Variants in EFNB3 observed in about 807,000 individuals in gnomAD.
The protein encoded by EFNB3 is ephrin B3.
In EFNB3, 14 loss-of-function variants were observed where a neutral mutation model predicts 29.8. The ratio of observed to expected loss-of-function variants is 0.47; its 90% CI spans 0.31 to 0.73. The LOEUF is 0.73. Among genes scored for constraint, EFNB3 ranks in the 30% least tolerant of loss-of-function variants. EFNB3 has a pLI of 0.05. For missense variants in EFNB3, 408 were observed against 458.0 expected (o/e 0.89, Z 1.00); for synonymous variants, 216 against 191.6 (o/e 1.13, Z -1.05).
chr17:7,705,692 C>G lies in EFNB3; in HGVS notation c.94C>G (p.Pro32Ala), dbSNP rs1192880505. Residue 32 changes from proline to alanine, a missense_variant, in exon 1 of 5, where the codon CCT (proline) becomes GCT (alanine). Transcript: ENST00000226091. This position sits in a 1 kb window ranked among gnomAD's most constrained non-coding sequence, Gnocchi z 5.4. ...GCTGGTGTCTGGGCTCAGCCTGGAG[C>G]CTGTCTACTGGAACTCGGCGAATAA... is the stretch of plus-strand genomic sequence containing the variant. ...LGLVSGLSLE[P>A]VYWNSANKRF... 7 of 1,554,802 alleles carry G rather than the reference C, an allele frequency of 4.5e-6. No individual in the cohort carries two copies. The highest frequency in any genetic ancestry group is 3.5e-6 in the Non-Finnish European group (4 of 1,158,076).
chr17:7,709,468 C>T lies in EFNB3; in HGVS notation c.915C>T (p.Pro305=). The change falls in exon 5 of 5, where the codon CCC becomes CCT. Residue 305 remains proline, a synonymous_variant. Transcript: ENST00000226091. This position sits in a 1 kb window ranked among gnomAD's most constrained non-coding sequence, Gnocchi z 4.5. ...TGCGGGGTGGCGGGGCTGCAGATCC[C>T]CCCTTCTGCCCCCACTATGAGAAGG... ...IALRGGGAAD[P]PFCPHYEKVS... is the part of the protein sequence containing the mutation. 4 of 1,613,654 alleles carry T rather than the reference C, an allele frequency of 2.5e-6. No homozygotes were observed. The highest frequency in any genetic ancestry group is 3.4e-6 in the Non-Finnish European group (4 of 1,179,726).
chr17:7,706,215 A>C (rs2074327247), intron 1 of EFNB3, among the ~76,000 whole-genome samples: 1 of 149,722 alleles, frequency 6.7e-6, no homozygotes, highest in Admixed American at 6.7e-5. Flanking sequence ...AGGCTCCTTG[A>C]CTCTCTTCAC....
rs1189408007 is a variant in EFNB3, at chr17:7,705,306, C to G, written c.-293C>G. The G allele has an allele frequency of 4.4e-6, 1 of 224,862 alleles. No individual in the cohort carries two copies. Among genetic ancestry groups the G allele is most frequent in the Non-Finnish European group, 8.6e-6 (1 of 115,954 alleles). 13.9% of individuals were successfully genotyped at this position (224,862 alleles called of 1,614,324 possible). ...TCCGGCGCCCCATGCCGCCCCCGCC[C>G]GGTCCCCGGCTCCCCCAGTCCCCCA... is the stretch of plus-strand genomic sequence containing the variant. On this transcript the variant is annotated 5_prime_UTR_variant, in exon 1 of 5. Transcript: ENST00000226091. The surrounding 1 kb of genome is among the most constrained non-coding windows in gnomAD (Gnocchi z 5.4).
chr17:7,709,170 AC>A lies in EFNB3; in HGVS notation c.621del (p.Thr208ProfsTer86). ...TCCTTCACCCCTTCCCTGCCAGGTG[AC>A]CCCACCAGCAATGCAACCTCCCGGG... ...LEPGKENLPG[D>X]PTSNATSRGA... is the part of the protein sequence containing the mutation. On this transcript the variant is annotated frameshift_variant, in exon 5 of 5. Coordinates refer to ENST00000226091, the MANE Select transcript of EFNB3 (RefSeq NM_001406.4). LOFTEE classifies it high-confidence loss of function. The surrounding 1 kb of genome is among the most constrained non-coding windows in gnomAD (Gnocchi z 4.5). The A allele has an allele frequency of 6.3e-7, 1 of 1,597,964 alleles. No homozygotes were observed.
chr17:7,708,036 T>C lies in EFNB3; in HGVS notation c.201T>C (p.Pro67=). 6.2e-7 allele frequency: 1 copy of C among 1,614,026 alleles called. No homozygotes were observed. The highest frequency in any genetic ancestry group is 8.5e-7 in the Non-Finnish European group (1 of 1,179,984). The part of the protein sequence containing the change: ...RLDLLCPRAR[P]PGPHSSPNYE... Reference sequence around the variant, plus strand: ...ACCTGCTCTGCCCCCGGGCCCGGCCTCCTGGCCCTCACTCCTCTCCTAATT... The same window carrying C: ...ACCTGCTCTGCCCCCGGGCCCGGCCCCCTGGCCCTCACTCCTCTCCTAATT... Residue 67 remains proline, a synonymous_variant, in exon 2 of 5, where the codon CCT becomes CCC. Coordinates refer to ENST00000226091, the MANE Select transcript of EFNB3 (RefSeq NM_001406.4). The surrounding 1 kb of genome is among the most constrained non-coding windows in gnomAD (Gnocchi z 6.8).
chr17:7,708,874 G>A lies in EFNB3; in HGVS notation c.613+135G>A, dbSNP rs772387901. The A allele has an allele frequency of 1.6e-4, 123 of 757,584 alleles. No homozygotes were observed. Among genetic ancestry groups the A allele is most frequent in the Non-Finnish European group, 2.5e-4 (116 of 469,582 alleles). The allele number at this position is 757,584 out of a possible 1,614,324, so 46.9% of individuals were successfully genotyped here. ...GGAAAGAGGAGAAGAGAGGATGGGA[G>A]GGTGGGAGGGGAATGGAAACCAAAT... On this transcript the variant is annotated intron_variant, in intron 4 of 4. Transcript: ENST00000226091. This position sits in a 1 kb window ranked among gnomAD's most constrained non-coding sequence, Gnocchi z 6.8.
Position 7,708,724 on chromosome 17 carries a change from AAGG to A in EFNB3, c.601_603del (p.Glu201del), listed in dbSNP as rs1208607170. ...GGCAGCCCACAGCCTGGAGCCTGGG[AAGG>A]AGAACCTGCCAGGTAGGAACCAGGG... is the stretch of plus-strand genomic sequence containing the variant. On this transcript the variant is annotated inframe_deletion, in exon 4 of 5. Coordinates refer to ENST00000226091, the MANE Select transcript of EFNB3 (RefSeq NM_001406.4). This position sits in a 1 kb window ranked among gnomAD's most constrained non-coding sequence, Gnocchi z 6.8. The A allele has an allele frequency of 6.4e-7, 1 of 1,565,930 alleles. No individual in the cohort carries two copies. Among genetic ancestry groups the A allele is most frequent in the Non-Finnish European group, 8.7e-7 (1 of 1,154,672 alleles).
In EFNB3 at chr17:7,708,290, T is replaced by C; in HGVS notation, c.415+40T>C. 6.3e-7 allele frequency: 1 copy of C among 1,599,444 alleles called. No homozygotes were observed. The highest frequency in any genetic ancestry group is 8.5e-7 in the Non-Finnish European group (1 of 1,173,390). ...AGGGCACGATTGAGTGGGGGGCTCC[T>C]GATACTGAGCAGAGAGGGAGGGGGA... On this transcript the variant is annotated intron_variant, in intron 2 of 4. Coordinates refer to ENST00000226091, the MANE Select transcript of EFNB3 (RefSeq NM_001406.4). This position sits in a 1 kb window ranked among gnomAD's most constrained non-coding sequence, Gnocchi z 6.8.
chr17:7,705,840 T>C lies in EFNB3; in HGVS notation c.122+120T>C. The C allele has an allele frequency of 3.3e-6, 4 of 1,212,272 alleles. No individual in the cohort carries two copies. The highest frequency in any genetic ancestry group is 4.5e-6 in the Non-Finnish European group (4 of 890,468). 75.1% of individuals were successfully genotyped at this position (1,212,272 alleles called of 1,614,324 possible). A position where few individuals can be genotyped will look rare whatever the true frequency, so the allele number is the denominator to read the frequency against. ...GGCGGGAGGGAAGGTGCTGGTGCTCTGATGTGTGATGGGTTACTAGACAGG... is the reference window on the plus strand; with the variant it reads ...GGCGGGAGGGAAGGTGCTGGTGCTCCGATGTGTGATGGGTTACTAGACAGG... On this transcript the variant is annotated intron_variant, in intron 1 of 4. Coordinates refer to ENST00000226091, the MANE Select transcript of EFNB3 (RefSeq NM_001406.4). The surrounding 1 kb of genome is among the most constrained non-coding windows in gnomAD (Gnocchi z 5.4).
In EFNB3 at chr17:7,708,840, G is replaced by A. The variant is rs1025463306; in HGVS notation, c.613+101G>A. Reference sequence around the variant, plus strand: ...TCCCTCCCTCTTCAGTTTTGGGGGCGGTGATACAGGAAAGAGGAGAAGAGA... The same window carrying A: ...TCCCTCCCTCTTCAGTTTTGGGGGCAGTGATACAGGAAAGAGGAGAAGAGA... On this transcript the variant is annotated intron_variant, in intron 4 of 4. Coordinates refer to ENST00000226091, the MANE Select transcript of EFNB3 (RefSeq NM_001406.4). This position sits in a 1 kb window ranked among gnomAD's most constrained non-coding sequence, Gnocchi z 6.8. 2.2e-5 allele frequency: 23 copies of A among 1,056,460 alleles called. No individual in the cohort carries two copies. Among genetic ancestry groups the A allele is most frequent in the Non-Finnish European group, 2.8e-5 (21 of 739,526 alleles). 65.4% of individuals were successfully genotyped at this position (1,056,460 alleles called of 1,614,324 possible).
Position 7,709,601 on chromosome 17 carries a change from G to A in EFNB3, c.*25G>A. On this transcript the variant is annotated 3_prime_UTR_variant, in exon 5 of 5. Coordinates refer to ENST00000226091, the MANE Select transcript of EFNB3 (RefSeq NM_001406.4). The surrounding 1 kb of genome is among the most constrained non-coding windows in gnomAD (Gnocchi z 4.5). ...AGGGCTCCTCTCACGTGGCTATCCT[G>A]AATCCAGCCCTTCTTGGGGTGCTCC... 1.2e-6 allele frequency: 2 copies of A among 1,613,432 alleles called. No individual in the cohort carries two copies. Among genetic ancestry groups the A allele is most frequent in the South Asian group, 1.1e-5 (1 of 91,048 alleles).
At chr17:7,706,228 T>C (rs893911471) in intron 1 of EFNB3, among the ~76,000 whole-genome samples, 9 of 151,160 alleles carry the variant, frequency 6.0e-5, no homozygotes, top group Non-Finnish European at 1.3e-4. Context: ...CTCTTCACAG[T>C]CTGTCTCCCA....
At position 7,708,208 on chromosome 17, in the gene EFNB3, T is replaced by C; in HGVS notation, c.373T>C (p.Trp125Arg). 1 of 1,611,912 alleles carries C rather than the reference T, an allele frequency of 6.2e-7. No homozygotes were observed. The highest frequency in any genetic ancestry group is 8.5e-7 in the Non-Finnish European group (1 of 1,180,000). The change falls in exon 2 of 5, where the codon TGG (tryptophan) becomes CGG (arginine). Residue 125 changes from tryptophan (W) to arginine (R), a missense_variant. Physicochemically the swap from Trp to Arg is moderately radical, Grantham distance 101. This residue lies in a region of EFNB3 where 47 missense variants were observed against 86.6 expected (regional missense o/e 0.54). Coordinates refer to ENST00000226091, the MANE Select transcript of EFNB3 (RefSeq NM_001406.4). This position sits in a 1 kb window ranked among gnomAD's most constrained non-coding sequence, Gnocchi z 6.8. ...IKFQEYSPNL[W>R]GHEFRSHHDY... ...GTTCCAGGAGTATAGCCCTAATCTC[T>C]GGGGCCACGAGTTCCGCTCGCACCA...
intron 1 of EFNB3, among the ~76,000 whole-genome samples, chr17:7,706,672 G>A (rs1264457470): frequency 6.6e-6 from 1 of 152,190 alleles, no homozygotes; most frequent in African/African-American, 2.4e-5. Context: ...CAAATCTTTG[G>A]TCTTAATCCT....
At position 7,710,447 on chromosome 17, in the gene EFNB3, G is replaced by C. The variant is rs3744262; in HGVS notation, c.*871G>C. Reference sequence around the variant, plus strand: ...CTCCAGACAAGAGGTGACCAGGCCCGGACAGAAATGGCCTGGGAAGTAGCA... The same window carrying C: ...CTCCAGACAAGAGGTGACCAGGCCCCGACAGAAATGGCCTGGGAAGTAGCA... On this transcript the variant is annotated 3_prime_UTR_variant, in exon 5 of 5. Coordinates refer to ENST00000226091, the MANE Select transcript of EFNB3 (RefSeq NM_001406.4). 6.6e-6 allele frequency: 1 copy of C among 152,526 alleles called. No individual in the cohort carries two copies. The highest frequency in any genetic ancestry group is 2.4e-5 in the African/African-American group (1 of 41,374). 9.4% of individuals were successfully genotyped at this position (152,526 alleles called of 1,614,324 possible).
At position 7,708,556 on chromosome 17, in the gene EFNB3, G is replaced by A. The variant is rs2074335867; in HGVS notation, c.508+29G>A. Reference sequence around the variant, plus strand: ...AGTGGGGCTGGGGGACACCTCCTGGGCACGAAGGGACGTTGGGGCAGTACG... The same window carrying A: ...AGTGGGGCTGGGGGACACCTCCTGGACACGAAGGGACGTTGGGGCAGTACG... On this transcript the variant is annotated intron_variant, in intron 3 of 4. Coordinates refer to ENST00000226091, the MANE Select transcript of EFNB3 (RefSeq NM_001406.4). This position sits in a 1 kb window ranked among gnomAD's most constrained non-coding sequence, Gnocchi z 6.8. 1 of 1,608,414 alleles carries A rather than the reference G, an allele frequency of 6.2e-7. No individual in the cohort carries two copies.
At position 7,708,365 on chromosome 17, in the gene EFNB3, CA is replaced by C. The variant is rs2074334802; in HGVS notation, c.416-69del. 1 of 1,587,724 alleles carries C rather than the reference CA, an allele frequency of 6.3e-7. No individual in the cohort carries two copies. Among genetic ancestry groups the C allele is most frequent in the African/African-American group, 1.3e-5 (1 of 74,580 alleles). ...CAGTGCCCTCAGGCAGTGTTCACAC[CA>C]GGGTGTGGGGCCAGAATCAGGGCTA... On this transcript the variant is annotated intron_variant, in intron 2 of 4. Transcript: ENST00000226091. The surrounding 1 kb of genome is among the most constrained non-coding windows in gnomAD (Gnocchi z 6.8).
chr17:7,710,532 A>T lies in EFNB3; in HGVS notation c.*956A>T, dbSNP rs1390149054. The T allele has an allele frequency of 1.3e-5, 2 of 152,732 alleles. No individual in the cohort carries two copies. Among genetic ancestry groups the T allele is most frequent in the Admixed American group, 1.3e-4 (2 of 15,274 alleles). 9.5% of individuals were successfully genotyped at this position (152,732 alleles called of 1,614,324 possible). On this transcript the variant is annotated 3_prime_UTR_variant, in exon 5 of 5. Coordinates refer to ENST00000226091, the MANE Select transcript of EFNB3 (RefSeq NM_001406.4). ...CCAGGACAGGAAGTAGCACTTCTGAAACAGGAAGTGGTCTGGCTGGAACTC... is the reference window on the plus strand; with the variant it reads ...CCAGGACAGGAAGTAGCACTTCTGATACAGGAAGTGGTCTGGCTGGAACTC...
rs1203055683 is a variant in EFNB3 at position 7,710,126 on chromosome 17, C to T, written c.*550C>T. Reference sequence around the variant, plus strand: ...CATTTCTCCCCTTAGCTTTCAGCCCCCCTTCTGACCTCTCATACCAACCAC... The same window carrying T: ...CATTTCTCCCCTTAGCTTTCAGCCCTCCTTCTGACCTCTCATACCAACCAC... On this transcript the variant is annotated 3_prime_UTR_variant, in exon 5 of 5. Coordinates refer to ENST00000226091, the MANE Select transcript of EFNB3 (RefSeq NM_001406.4). 1 of 183,706 alleles carries T rather than the reference C, an allele frequency of 5.4e-6. No homozygotes were observed. Among genetic ancestry groups the T allele is most frequent in the Non-Finnish European group, 1.1e-5 (1 of 89,702 alleles). The allele number at this position is 183,706 out of a possible 1,614,324, so 11.4% of individuals were successfully genotyped here.
Sources: allele counts gnomAD v4.1 joint callset (sites outside exome capture counted in the v4.1 genomes callset), GRCh38; gene constraint gnomAD v4.1.1; regional missense constraint gnomAD v4.1.1; non-coding constraint Gnocchi (gnomAD v3.1); transcripts MANE v1.5; gene names NCBI Gene and HGNC (gene_info 2026-07-23, HGNC 2026-07-21).